The following IP6K1 variants were observed in gnomAD, a reference collection of about 807,000 sequenced individuals.
IP6K1 encodes inositol hexakisphosphate kinase 1, also known as ATP:1D-myo-inositol-hexakisphosphate phosphotransferase.
In IP6K1, 13 loss-of-function variants were observed where a neutral mutation model predicts 38.3. The ratio of observed to expected loss-of-function variants is 0.34; its 90% CI spans 0.22 to 0.54. The LOEUF (loss-of-function observed/expected upper bound fraction) is 0.54. Ranked by LOEUF, IP6K1 falls within the 20% of genes least tolerant of loss-of-function variation. The pLI, the probability that IP6K1 is intolerant of heterozygous loss-of-function variation, is 0.92. For synonymous variants in IP6K1, 212 were observed against 229.9 expected (o/e 0.92, Z 0.70); for missense variants, 397 against 599.8 (o/e 0.66, Z 3.53).
At chr3:49,735,281 G>A (rs1036510722) in intron 3 of IP6K1, among the ~76,000 whole-genome samples, 19 of 152,182 alleles carry the variant, frequency 1.2e-4, no homozygotes, top group Non-Finnish European at 2.6e-4. Flanking sequence ...AGGAAGGCTT[G>A]AGCCCAGTAT....
intron 2 of IP6K1, among the ~76,000 whole-genome samples, chr3:49,742,442 G>A (rs556165431): frequency 1.1e-4 from 16 of 152,174 alleles, no homozygotes; most frequent in African/African-American, 3.4e-4. Context: ...CCAACTACTC[G>A]GGAGGCTGAG....
intron 1 of IP6K1, among the ~76,000 whole-genome samples, chr3:49,779,098 T>C (rs1243297619): frequency 6.6e-6 from 1 of 152,134 alleles, no homozygotes; most frequent in East Asian, 1.9e-4. Flanking sequence ...CAAAAAGAGA[T>C]TCCATACTCT....
At chr3:49,745,670 C>T (rs9815766) in intron 2 of IP6K1, among the ~76,000 whole-genome samples, 79,546 of 151,944 alleles carry the variant, frequency 0.52, 21,735 homozygotes, top group East Asian at 0.82. Flanking sequence ...GCTTGCCCAA[C>T]ATGGTGAAAC....
At chr3:49,756,925 T>C (rs2080829018) in intron 1 of IP6K1, among the ~76,000 whole-genome samples, 1 of 151,950 alleles carries the variant, frequency 6.6e-6, no homozygotes, top group African/African-American at 2.4e-5. Context: ...CTGGATTACC[T>C]GTGCTGTGAC....
chr3:49,730,657 C>T (rs1186368411), intron 4 of IP6K1, among the ~76,000 whole-genome samples: 1 of 152,200 alleles, frequency 6.6e-6, no homozygotes. Context: ...AGTGATCCTC[C>T]TGCCTTAGCC....
intron 1 of IP6K1, among the ~76,000 whole-genome samples, chr3:49,770,981 TG>T (rs2080952687): frequency 6.6e-6 from 1 of 151,734 alleles, no homozygotes; most frequent in African/African-American, 2.4e-5. Flanking sequence ...AAGCTGGGCA[TG>T]GTAGTATGCA....
chr3:49,759,508 A>G (rs763549528), intron 1 of IP6K1, among the ~76,000 whole-genome samples: 5 of 152,134 alleles, frequency 3.3e-5, no homozygotes, highest in African/African-American at 4.8e-5. Context: ...CAAACAGCAT[A>G]TTTCTTATAT....
intron 1 of IP6K1, among the ~76,000 whole-genome samples, chr3:49,780,027 C>A (rs1436736171): frequency 6.6e-6 from 1 of 152,038 alleles, no homozygotes; most frequent in Non-Finnish European, 1.5e-5. Context: ...TGCTCTTATT[C>A]ATCAACATTG....
intron 4 of IP6K1, among the ~76,000 whole-genome samples, chr3:49,732,136 C>T (rs2108223748): frequency 6.6e-6 from 1 of 152,170 alleles, no homozygotes; most frequent in South Asian, 2.1e-4. Flanking sequence ...CACTATGTTG[C>T]TCAGGCTGGT....
intron 1 of IP6K1, among the ~76,000 whole-genome samples, chr3:49,761,599 G>A (rs2080868726): frequency 1.4e-5 from 2 of 144,874 alleles, no homozygotes; most frequent in Non-Finnish European, 1.5e-5. Context: ...GGGCAACAGC[G>A]CGAGACTCCG....
chr3:49,748,194 G>C, intron 1 of IP6K1, 26 bp from the exon 2 acceptor site: 1 of 756,776 alleles, frequency 1.3e-6, no homozygotes, highest in East Asian at 2.7e-5. Flanking sequence ...GAGGAAGAAG[G>C]AATCAAAACA....
At chr3:49,780,530 C>G (rs1489902062) in intron 1 of IP6K1, among the ~76,000 whole-genome samples, 1 of 152,156 alleles carries the variant, frequency 6.6e-6, no homozygotes, top group Admixed American at 6.6e-5. Flanking sequence ...CTCTGCCCAT[C>G]ACTGTTCCTT....
intron 1 of IP6K1, among the ~76,000 whole-genome samples, chr3:49,752,258 C>A (rs531946803): frequency 1.3e-5 from 2 of 151,980 alleles, no homozygotes; most frequent in Non-Finnish European, 2.9e-5. Flanking sequence ...GAAGCCAAAG[C>A]GGGTGGATCA....
At chr3:49,735,470 G>A (rs1390392080) in intron 3 of IP6K1, among the ~76,000 whole-genome samples, 1 of 152,204 alleles carries the variant, frequency 6.6e-6, no homozygotes, top group Non-Finnish European at 1.5e-5. Flanking sequence ...GACCAAGTTA[G>A]GTCCCACAGT....
At chr3:49,773,031 T>C (rs981048116) in intron 1 of IP6K1, among the ~76,000 whole-genome samples, 10 of 151,622 alleles carry the variant, frequency 6.6e-5, no homozygotes, top group African/African-American at 2.4e-4. Context: ...TGCTGGGTTG[T>C]CCAGGCTGGT....
intron 1 of IP6K1, among the ~76,000 whole-genome samples, chr3:49,755,077 T>TG (rs1194114086): frequency 6.7e-6 from 1 of 150,204 alleles, no homozygotes; most frequent in Non-Finnish European, 1.5e-5. Context: ...AAAACACAGG[T>TG]GTGTGCCACC....
intron 4 of IP6K1, among the ~76,000 whole-genome samples, chr3:49,731,248 G>C (rs1478662133): frequency 6.6e-6 from 1 of 152,036 alleles, no homozygotes; most frequent in Non-Finnish European, 1.5e-5. Flanking sequence ...TTTGTGTAAA[G>C]GTACAGACTT....
At chr3:49,766,958 C>CAAAAAAAAAAAAAAA (rs144308874) in intron 1 of IP6K1, among the ~76,000 whole-genome samples, 1 of 55,392 alleles carries the variant, frequency 1.8e-5, no homozygotes, top group Non-Finnish European at 3.0e-5. Context: ...GACTCCGTCT[C>CAAAAAAAAAAAAAAA]AAAAAAAAAA....
intron 1 of IP6K1, among the ~76,000 whole-genome samples, chr3:49,774,875 T>A (rs1241677302): frequency 6.6e-6 from 1 of 151,966 alleles, no homozygotes; most frequent in Non-Finnish European, 1.5e-5. Context: ...CTGGTCATAA[T>A]TTCTTTTTTT....
Sources: gnomAD v4.1 joint callset for allele counts (sites outside exome capture counted in the v4.1 genomes callset) on GRCh38, gnomAD v4.1.1 for gene constraint, MANE v1.5 for transcripts, NCBI Gene and HGNC (gene_info 2026-07-23, HGNC 2026-07-21) for gene names.